Variants in NALF1 observed in about 807,000 individuals in gnomAD.
NALF1 encodes NALCN channel auxiliary factor 1.
Under a neutral mutation model 48.4 loss-of-function variants are expected in NALF1, and 3 were observed. That is an observed-to-expected ratio of 0.06 (90% confidence interval 0.03 to 0.16). The LOEUF is 0.16. Among genes scored for constraint, NALF1 ranks in the 10% least tolerant of loss-of-function variants. NALF1 has a pLI of 1.00. For synonymous variants in NALF1, 262 were observed against 245.7 expected, an observed-to-expected ratio of 1.07 and a Z score of -0.62; for missense variants, 526 against 571.5, an observed-to-expected ratio of 0.92 and a Z score of 0.81.
At chr13:107,197,177 T>C (rs1180975006) in intron 2 of NALF1, among the ~76,000 whole-genome samples, 1 of 152,066 alleles carries the variant, frequency 6.6e-6, no homozygotes, top group Non-Finnish European at 1.5e-5. Context: ...TCACTAGAGG[T>C]GTCGCTAAAC....
chr13:107,176,618 G>A (rs557807566), intron 2 of NALF1, among the ~76,000 whole-genome samples: 1 of 151,502 alleles, frequency 6.6e-6, no homozygotes, highest in East Asian at 1.9e-4. Flanking sequence ...CTCCAGCCTG[G>A]GCAACAGAGT....
At chr13:107,632,027 A>C (rs1392804833) in intron 1 of NALF1, among the ~76,000 whole-genome samples, 1 of 152,144 alleles carries the variant, frequency 6.6e-6, no homozygotes, top group Non-Finnish European at 1.5e-5. Context: ...ACAAAGTATA[A>C]ATTTATATGT....
intron 1 of NALF1, among the ~76,000 whole-genome samples, chr13:107,826,086 G>A (rs566715459): frequency 4.6e-5 from 7 of 152,222 alleles, no homozygotes; most frequent in East Asian, 1.9e-4. Flanking sequence ...GCCTTATAAC[G>A]AGTACTATTT....
chr13:107,554,996 T>C (rs1877415730), intron 1 of NALF1, among the ~76,000 whole-genome samples: 1 of 152,124 alleles, frequency 6.6e-6, no homozygotes, highest in South Asian at 2.1e-4. Flanking sequence ...ATAACATTTT[T>C]CTCTCTTCTA....
intron 1 of NALF1, among the ~76,000 whole-genome samples, chr13:107,396,478 T>C (rs1883714625): frequency 6.6e-6 from 1 of 152,080 alleles, no homozygotes. Flanking sequence ...CTCTTTACAA[T>C]CAGGAAAGCA....
intron 1 of NALF1, among the ~76,000 whole-genome samples, chr13:107,281,357 A>G (rs1158627114): frequency 1.3e-5 from 2 of 152,200 alleles, no homozygotes; most frequent in Non-Finnish European, 1.5e-5. Context: ...CAGAAAAACT[A>G]TCATAGAAAA....
At chr13:107,728,013 ATCATCAAAAAG>A (rs1272218396) in intron 1 of NALF1, among the ~76,000 whole-genome samples, 1 of 152,222 alleles carries the variant, frequency 6.6e-6, no homozygotes, top group East Asian at 1.9e-4. Flanking sequence ...TAGAACGGTG[ATCATCAAAAAG>A]TCAGGAAACA....
intron 1 of NALF1, among the ~76,000 whole-genome samples, chr13:107,711,207 T>A (rs1357566227): frequency 1.3e-5 from 2 of 152,198 alleles, no homozygotes; most frequent in Non-Finnish European, 2.9e-5. Flanking sequence ...ATCTTTCATG[T>A]CACAGTGTTA....
intron 1 of NALF1, among the ~76,000 whole-genome samples, chr13:107,826,331 T>C (rs1301851456): frequency 6.6e-6 from 1 of 152,026 alleles, no homozygotes; most frequent in Non-Finnish European, 1.5e-5. Context: ...GTGTAGTTCC[T>C]ACCAGAGTTC....
chr13:107,319,077 G>T (rs1253451130), intron 1 of NALF1, among the ~76,000 whole-genome samples: 1 of 152,062 alleles, frequency 6.6e-6, no homozygotes, highest in Non-Finnish European at 1.5e-5. Flanking sequence ...TTAAAAAAGT[G>T]CTCAAAGATG....
At chr13:107,253,338 T>C (rs1337540002) in intron 1 of NALF1, among the ~76,000 whole-genome samples, 1 of 152,134 alleles carries the variant, frequency 6.6e-6, no homozygotes, top group Non-Finnish European at 1.5e-5. Flanking sequence ...CCTAAATGCA[T>C]TGCCCATAAA....
At chr13:107,366,354 G>A (rs1016158586) in intron 1 of NALF1, among the ~76,000 whole-genome samples, 1 of 152,092 alleles carries the variant, frequency 6.6e-6, no homozygotes, top group Non-Finnish European at 1.5e-5. Flanking sequence ...TAATCACTTT[G>A]GCTTTATTCT....
At chr13:107,269,290 G>C (rs1881107291) in intron 1 of NALF1, among the ~76,000 whole-genome samples, 2 of 152,156 alleles carry the variant, frequency 1.3e-5, no homozygotes, top group African/African-American at 4.8e-5. Flanking sequence ...TGGTGATGTG[G>C]CTGGAGGAAA....
intron 1 of NALF1, among the ~76,000 whole-genome samples, chr13:107,850,757 GC>G (rs1161688976): frequency 6.6e-6 from 1 of 152,050 alleles, no homozygotes; most frequent in Non-Finnish European, 1.5e-5. Context: ...ACAAAAATTA[GC>G]CGAACGTGGT....
intron 2 of NALF1, among the ~76,000 whole-genome samples, chr13:107,194,993 A>G (rs2138788103): frequency 6.6e-6 from 1 of 152,346 alleles, no homozygotes; most frequent in Non-Finnish European, 1.5e-5. Flanking sequence ...TCATCAGGGA[A>G]ATGCAAATTA....
chr13:107,747,714 C>T (rs1054945378), intron 1 of NALF1, among the ~76,000 whole-genome samples: 3 of 151,970 alleles, frequency 2.0e-5, no homozygotes, highest in Admixed American at 2.0e-4. Context: ...AATAAGGCTT[C>T]GATAAAGAAT....
At chr13:107,676,268 T>C (rs1196810855) in intron 1 of NALF1, among the ~76,000 whole-genome samples, 1 of 152,102 alleles carries the variant, frequency 6.6e-6, no homozygotes, top group Non-Finnish European at 1.5e-5. Context: ...ACCAACAGAG[T>C]CATATAGACT....
chr13:107,810,377 C>G (rs375740459), intron 1 of NALF1, among the ~76,000 whole-genome samples: 19 of 151,998 alleles, frequency 1.3e-4, no homozygotes, highest in African/African-American at 4.3e-4. Flanking sequence ...GACTGGCCAT[C>G]CTGAAGTCTA....
chr13:107,351,525 C>A (rs538912089), intron 1 of NALF1, among the ~76,000 whole-genome samples: 1 of 152,134 alleles, frequency 6.6e-6, no homozygotes, highest in Non-Finnish European at 1.5e-5. Flanking sequence ...AGAACACTTG[C>A]CCAGTAACAG....
Sources: allele counts gnomAD v4.1 joint callset (sites outside exome capture counted in the v4.1 genomes callset), GRCh38; gene constraint gnomAD v4.1.1; transcripts MANE v1.5; gene names NCBI Gene and HGNC (gene_info 2026-07-23, HGNC 2026-07-21).